The following MAST2 variants were observed in gnomAD, a reference collection of about 807,000 sequenced individuals.
The protein encoded by MAST2 is microtubule associated serine/threonine kinase 2.
MAST2 carries 70 observed loss-of-function variants against 147.4 expected under a neutral mutation model. That is an observed-to-expected ratio of 0.47 (90% confidence interval 0.39 to 0.58). MAST2 has a LOEUF of 0.58. Among genes scored for constraint, MAST2 ranks in the 20% least tolerant of loss-of-function variants. The probability of loss-of-function intolerance (pLI) is 0.00; values close to 1 mark genes in which losing one functional copy is unlikely to be tolerated. For synonymous variants in MAST2, 869 were observed against 896.8 expected (o/e 0.97, Z 0.55); for missense variants, 2,080 against 2,302.3 (o/e 0.90, Z 1.98).
intron 3 of MAST2, chr1:45,847,355 A>T (rs914890862): frequency 8.0e-6 from 4 of 498,566 alleles, no homozygotes; most frequent in Non-Finnish European, 1.6e-5. Flanking sequence ...TGCTAAATCA[A>T]TTTAATTTAA....
intron 10 of MAST2, among the ~76,000 whole-genome samples, chr1:46,014,291 C>T (rs1023763730): frequency 1.3e-5 from 2 of 150,742 alleles, no homozygotes; most frequent in African/African-American, 4.9e-5. Context: ...CATCATTTAG[C>T]ATTAGGTATA....
rs778356812 is a variant in MAST2, at chr1:45,959,509, G to A, written c.592+32G>A. ...GCTTGAAGGTTAAGAAAGGTTGAAT[G>A]AAAGAGTGGCCACAGATGCCCAATT... On this transcript the variant is annotated intron_variant, in intron 5 of 28. Coordinates refer to ENST00000361297, the MANE Select transcript of MAST2 (RefSeq NM_015112.3). The A allele has an allele frequency of 1.3e-5, 21 of 1,581,792 alleles. No homozygotes were observed. The South Asian group carries it at 1.7e-4, about 13-fold the overall frequency.
In MAST2 at chr1:46,030,234, A is replaced by G. The variant is rs1367424403; in HGVS notation, c.2549A>G (p.Asn850Ser). 1.9e-6 allele frequency: 3 copies of G among 1,613,800 alleles called. No homozygotes were observed. The highest frequency in any genetic ancestry group is 4.5e-5 in the East Asian group (2 of 44,894). ...TTCTCTTCCTGCTCTCCAAGGTTCA[A>G]CAAGGTGTGACTGAGGAGGCCCAGA... ...RQFSSCSPRFNKVYSSMERLS... is the reference protein window; with the variant it reads ...RQFSSCSPRFSKVYSSMERLS... Residue 850 changes from asparagine to serine, a missense_variant, in exon 21 of 29, where the codon AAC (asparagine) becomes AGC (serine). Transcript: ENST00000361297.
At chr1:45,873,758 C>G (rs1004789837) in intron 3 of MAST2, among the ~76,000 whole-genome samples, 7 of 152,134 alleles carry the variant, frequency 4.6e-5, no homozygotes, top group African/African-American at 1.7e-4. Flanking sequence ...TATCATCAAG[C>G]TGTTCATCAA....
At chr1:45,998,876 C>G (rs1050804870) in intron 6 of MAST2, among the ~76,000 whole-genome samples, 1 of 152,048 alleles carries the variant, frequency 6.6e-6, no homozygotes, top group Non-Finnish European at 1.5e-5. Flanking sequence ...TACAGGCGCC[C>G]GCCATCATTC....
intron 4 of MAST2, among the ~76,000 whole-genome samples, chr1:45,899,090 A>C (rs1184558360): frequency 6.6e-6 from 1 of 152,146 alleles, no homozygotes; most frequent in Non-Finnish European, 1.5e-5. Context: ...GAAAAATATA[A>C]TGCAATTCAG....
chr1:45,902,350 G>T (rs1395409048), intron 4 of MAST2, among the ~76,000 whole-genome samples: 1 of 152,108 alleles, frequency 6.6e-6, no homozygotes, highest in Non-Finnish European at 1.5e-5. Flanking sequence ...TCATGATCCA[G>T]TTATCATCTT....
At chr1:45,852,060 T>A (rs888969340) in intron 3 of MAST2, among the ~76,000 whole-genome samples, 20 of 152,172 alleles carry the variant, frequency 1.3e-4, no homozygotes, top group African/African-American at 4.8e-4. Context: ...AATAGTGTCA[T>A]CTTATATAGC....
chr1:46,031,044 A>G lies in MAST2; in HGVS notation c.2746A>G (p.Thr916Ala). The G allele has an allele frequency of 6.2e-7, 1 of 1,613,854 alleles. No individual in the cohort carries two copies. The highest frequency in any genetic ancestry group is 8.5e-7 in the Non-Finnish European group (1 of 1,179,878). Reference sequence around the variant, plus strand: ...GCTGTCGGTGTCTGAGTCATCCCACACAGAGAGTGACTCAAGCCCTCCAAT... The same window carrying G: ...GCTGTCGGTGTCTGAGTCATCCCACGCAGAGAGTGACTCAAGCCCTCCAAT... Reference protein sequence around the residue: ...KRLSVSESSHTESDSSPPMTV... With the variant: ...KRLSVSESSHAESDSSPPMTV... Residue 916 changes from threonine (T) to alanine (A), a missense_variant, in exon 23 of 29, where the codon ACA becomes GCA. Transcript: ENST00000361297. The surrounding 1 kb of genome is among the most constrained non-coding windows in gnomAD (Gnocchi z 4.1).
At chr1:45,874,288 C>T (rs957678025) in intron 3 of MAST2, among the ~76,000 whole-genome samples, 8 of 152,154 alleles carry the variant, frequency 5.3e-5, no homozygotes, top group South Asian at 2.1e-4. Context: ...TGGTGGCTCA[C>T]GCCTATAATC....
intron 24 of MAST2, 74 bp from the exon 25 acceptor site, chr1:46,032,104 T>A: frequency 8.9e-7 from 1 of 1,129,268 alleles, no homozygotes; most frequent in East Asian, 2.3e-5. Flanking sequence ...AGAGTTGTGC[T>A]GACATCAACA....
intron 4 of MAST2, among the ~76,000 whole-genome samples, chr1:45,889,459 T>G (rs1570566477): frequency 6.6e-6 from 1 of 152,302 alleles, no homozygotes; most frequent in South Asian, 2.1e-4. Context: ...GGTGCTGAGA[T>G]TACAGGTGTG....
chr1:45,877,573 T>A (rs566046567), intron 3 of MAST2, among the ~76,000 whole-genome samples: 2 of 152,280 alleles, frequency 1.3e-5, no homozygotes, highest in African/African-American at 4.8e-5. Context: ...AAGTCAAAAT[T>A]GGACAAGAAC....
chr1:45,875,802 A>G (rs1646581221), intron 3 of MAST2, among the ~76,000 whole-genome samples: 3 of 152,164 alleles, frequency 2.0e-5, no homozygotes, highest in Admixed American at 2.0e-4. Flanking sequence ...GAGTAGAAAG[A>G]TCAGCTGAGT....
At chr1:46,007,274 C>G (rs947096362) in intron 8 of MAST2, among the ~76,000 whole-genome samples, 1 of 152,138 alleles carries the variant, frequency 6.6e-6, no homozygotes, top group African/African-American at 2.4e-5. Flanking sequence ...TCAGGTAATG[C>G]TGGCACTGCA....
At chr1:46,021,821 C>T (rs1646194501) in intron 11 of MAST2, 129 bp from the exon 12 acceptor site, 1 of 827,192 alleles carries the variant, frequency 1.2e-6, no homozygotes. Flanking sequence ...TCTGAATATT[C>T]AGGGGTGGGA....
intron 3 of MAST2, among the ~76,000 whole-genome samples, chr1:45,853,006 C>T (rs1026054258): frequency 2.6e-5 from 4 of 152,134 alleles, no homozygotes; most frequent in Non-Finnish European, 4.4e-5. Flanking sequence ...TCTTGGGTCA[C>T]TGCAACCTCT....
intron 1 of MAST2, among the ~76,000 whole-genome samples, chr1:45,820,893 C>CTTTTTTTTTTTTTTT (rs769508054): frequency 2.3e-4 from 10 of 43,078 alleles, no homozygotes; most frequent in East Asian, 6.7e-4. Context: ...CTTTCTTTCT[C>CTTTTTTTTTTTTTTT]TTTTTTTTTT....
intron 3 of MAST2, among the ~76,000 whole-genome samples, chr1:45,866,608 C>T (rs1646161325): frequency 6.6e-6 from 1 of 152,146 alleles, no homozygotes; most frequent in South Asian, 2.1e-4. Context: ...TATTTGCTAC[C>T]TTGTTTACTG....
Sources: allele counts gnomAD v4.1 joint callset (sites outside exome capture counted in the v4.1 genomes callset), GRCh38; gene constraint gnomAD v4.1.1; non-coding constraint Gnocchi (gnomAD v3.1); transcripts MANE v1.5; gene names NCBI Gene and HGNC (gene_info 2026-07-23, HGNC 2026-07-21).